The following TIPARP variants were observed in gnomAD, a reference collection of about 807,000 sequenced individuals.
TIPARP encodes the protein protein mono-ADP-ribosyltransferase TIPARP.
A neutral mutation model predicts 56.5 loss-of-function variants in TIPARP; 12 were observed. That is an observed-to-expected ratio of 0.21 (90% CI 0.14 to 0.34). The LOEUF (loss-of-function observed/expected upper bound fraction) is 0.34. Among genes scored for constraint, TIPARP ranks in the 10% least tolerant of loss-of-function variants. TIPARP has a pLI of 1.00. For missense variants in TIPARP, 604 were observed against 781.6 expected (o/e 0.77, Z 2.71); for synonymous variants, 296 against 265.7 (o/e 1.11, Z -1.11).
chr3:156,698,774 A>G (rs1722779907), intron 4 of TIPARP, among the ~76,000 whole-genome samples: 1 of 152,280 alleles, frequency 6.6e-6, no homozygotes. Context: ...TTTTAACAGT[A>G]TATTTTGTAA....
chr3:156,688,491 CG>C (rs200202548), intron 2 of TIPARP, among the ~76,000 whole-genome samples: 9,713 of 149,250 alleles, frequency 0.065, 489 homozygotes, highest in South Asian at 0.12. Context: ...CGCCCCCCCC[CG>C]CAATAAGTAG....
chr3:156,695,842 T>TTTGTTTTGTTTTC, intron 3 of TIPARP, 23 bp from the exon 4 acceptor site: 2 of 1,396,938 alleles, frequency 1.4e-6, no homozygotes, highest in South Asian at 1.8e-5. Context: ...TTTTTTTTTT[T>TTTGTTTTGTTTTC]TGTTCTGTTT....
chr3:156,693,066 A>C (rs563911103), intron 2 of TIPARP, among the ~76,000 whole-genome samples: 78 of 152,284 alleles, frequency 5.1e-4, no homozygotes, highest in African/African-American at 1.8e-3. Context: ...GTAGACATCC[A>C]TTTAGAAATC....
chr3:156,685,247 G>A (rs1360529993), intron 2 of TIPARP, among the ~76,000 whole-genome samples: 1 of 152,160 alleles, frequency 6.6e-6, no homozygotes, highest in South Asian at 2.1e-4. Context: ...CCTATTTGCC[G>A]TTTCCACACA....
chr3:156,695,965 GGA>G lies in TIPARP; in HGVS notation c.1194_1195del (p.Glu398AspfsTer32). 6.2e-7 allele frequency: 1 copy of G among 1,611,554 alleles called. No homozygotes were observed. The highest frequency in any genetic ancestry group is 8.5e-7 in the Non-Finnish European group (1 of 1,179,276). ...TACATCCTCCACAATTCATTCTTCAGGAGAGAGATAAAAAGGAGACCCCTCTT... is the reference window on the plus strand; with the variant it reads ...TACATCCTCCACAATTCATTCTTCAGGAGAGATAAAAAGGAGACCCCTCTT... On this transcript the variant is annotated frameshift_variant, in exon 4 of 6. Transcript: ENST00000295924. LOFTEE classifies it high-confidence loss of function.
At chr3:156,679,440 G>A (rs1404221015) in intron 2 of TIPARP, among the ~76,000 whole-genome samples, 1 of 152,184 alleles carries the variant, frequency 6.6e-6, no homozygotes, top group Non-Finnish European at 1.5e-5. Context: ...GTTGCCTCAT[G>A]TAAAGTTGCT....
At chr3:156,701,904 T>C (rs937601621) in intron 4 of TIPARP, among the ~76,000 whole-genome samples, 1 of 152,174 alleles carries the variant, frequency 6.6e-6, no homozygotes, top group Admixed American at 6.5e-5. Context: ...TTGAGGCACA[T>C]TGAATTGAAG....
At chr3:156,703,836 A>G in intron 5 of TIPARP, 134 bp downstream of exon 5, 1 of 908,220 alleles carries the variant, frequency 1.1e-6, no homozygotes, top group Non-Finnish European at 1.6e-6. Flanking sequence ...ACACGGTGAA[A>G]CCCCGTCTCT....
At position 156,705,341 on chromosome 3, in the gene TIPARP, A is replaced by G. The variant is rs1722954816; in HGVS notation, c.*210A>G. On this transcript the variant is annotated 3_prime_UTR_variant, in exon 6 of 6. Coordinates refer to ENST00000295924, the MANE Select transcript of TIPARP (RefSeq NM_015508.5). Reference sequence around the variant, plus strand: ...ACTCTTTAATTATTTACTAATTGCTAGTGTACTCAGTGTGGAAAAGACTAC... The same window carrying G: ...ACTCTTTAATTATTTACTAATTGCTGGTGTACTCAGTGTGGAAAAGACTAC... 4.3e-6 allele frequency: 2 copies of G among 460,864 alleles called. No homozygotes were observed. The highest frequency in any genetic ancestry group is 2.0e-5 in the African/African-American group (1 of 50,868). 28.5% of individuals were successfully genotyped at this position (460,864 alleles called of 1,614,324 possible).
intron 2 of TIPARP, among the ~76,000 whole-genome samples, chr3:156,685,347 G>C (rs1163873437): frequency 6.6e-6 from 1 of 152,178 alleles, no homozygotes; most frequent in Non-Finnish European, 1.5e-5. Flanking sequence ...ACCTTTGCAT[G>C]GTCATCACAA....
intron 2 of TIPARP, among the ~76,000 whole-genome samples, chr3:156,683,250 A>G (rs1286497649): frequency 2.6e-5 from 4 of 152,176 alleles, no homozygotes; most frequent in African/African-American, 9.7e-5. Context: ...ATGATACATT[A>G]TATATTTTAT....
At position 156,678,040 on chromosome 3, in the gene TIPARP, A is replaced by T. The variant is rs1364672501; in HGVS notation, c.343A>T (p.Thr115Ser). Residue 115 changes from threonine (T) to serine (S), a missense_variant, in exon 2 of 6, where the codon ACA (threonine) becomes TCA (serine). Thr to Ser is a moderately conservative substitution (Grantham distance 58). Transcript: ENST00000295924. ...NNMSVLIPDR[T>S]NVGDQIPEAH... Reference sequence around the variant, plus strand: ...TATGTCTGTTCTGATTCCTGATAGGACAAATGTTGGGGACCAGATACCGGA... The same window carrying T: ...TATGTCTGTTCTGATTCCTGATAGGTCAAATGTTGGGGACCAGATACCGGA... The T allele has an allele frequency of 6.2e-7, 1 of 1,614,002 alleles. No homozygotes were observed. Among genetic ancestry groups the T allele is most frequent in the African/African-American group, 1.3e-5 (1 of 74,924 alleles).
chr3:156,680,235 C>G (rs909498496), intron 2 of TIPARP, among the ~76,000 whole-genome samples: 1 of 152,156 alleles, frequency 6.6e-6, no homozygotes, highest in Non-Finnish European at 1.5e-5. Context: ...TAATATATTA[C>G]ACTCAAGATT....
intron 4 of TIPARP, among the ~76,000 whole-genome samples, chr3:156,702,180 A>C (rs1259436872): frequency 6.6e-6 from 1 of 151,784 alleles, no homozygotes; most frequent in Non-Finnish European, 1.5e-5. Context: ...ATATATATAA[A>C]TTGTGAAACA....
Position 156,705,026 on chromosome 3 carries a change from G to A in TIPARP, c.1869G>A (p.Val623=), listed in dbSNP as rs1577044293. Residue 623 remains valine (V), a synonymous_variant, in exon 6 of 6, where the codon GTG becomes GTA. Coordinates refer to ENST00000295924, the MANE Select transcript of TIPARP (RefSeq NM_015508.5). ...CCAGTGACCTTTATGACTCTTGTGT[G>A]GATAATTTCTTTGAGCCTCAGATTT... ...SVTSDLYDSC[V]DNFFEPQIFV... is the part of the protein sequence containing the mutation. The A allele has an allele frequency of 6.2e-7, 1 of 1,613,984 alleles. No individual in the cohort carries two copies. Among genetic ancestry groups the A allele is most frequent in the Non-Finnish European group, 8.5e-7 (1 of 1,179,920 alleles).
intron 3 of TIPARP, 61 bp downstream of exon 3, chr3:156,694,249 T>C (rs1722654113): frequency 3.5e-6 from 5 of 1,436,314 alleles, no homozygotes; most frequent in Non-Finnish European, 3.7e-6. Context: ...CTTCCTGTAT[T>C]CTTTTATTCT....
Position 156,677,839 on chromosome 3 carries a change from T to C in TIPARP, c.142T>C (p.Leu48=), listed in dbSNP as rs1322334190. ...TTTTAAGAAAAAGGATCAGAAAAGA[T>C]TGGGAACTGGAACCCTGAGGTCTTT... ...TCFKKKDQKR[L]GTGTLRSLRP... Residue 48 remains leucine, a synonymous_variant, in exon 2 of 6, where the codon TTG becomes CTG. Transcript: ENST00000295924. The C allele has an allele frequency of 3.7e-6, 6 of 1,614,030 alleles. No homozygotes were observed. Among genetic ancestry groups the C allele is most frequent in the Non-Finnish European group, 5.1e-6 (6 of 1,180,026 alleles).
chr3:156,676,085 TG>T (rs777826056), intron 1 of TIPARP, among the ~76,000 whole-genome samples: 15 of 152,168 alleles, frequency 9.9e-5, no homozygotes, highest in Non-Finnish European at 2.1e-4. Flanking sequence ...AGTGTGCGCG[TG>T]GGGAAAGCAC....
At chr3:156,675,335 C>G (rs546956148) in intron 1 of TIPARP, 1 of 152,494 alleles carries the variant, frequency 6.6e-6, no homozygotes, top group Non-Finnish European at 1.5e-5. Context: ...GCCTTTCCCC[C>G]GCGCTTCGCG....
Sources: gnomAD v4.1 joint callset for allele counts (sites outside exome capture counted in the v4.1 genomes callset) on GRCh38, gnomAD v4.1.1 for gene constraint, MANE v1.5 for transcripts, NCBI Gene and HGNC (gene_info 2026-07-23, HGNC 2026-07-21) for gene names.